ERC2: variants seen among roughly 807,000 people sequenced by gnomAD.
ERC2 encodes the protein ELKS/RAB6-interacting/CAST family member 2, also known as ERC protein 2.
Under a neutral mutation model 114.8 loss-of-function variants are expected in ERC2, and 42 were observed. The observed-to-expected ratio is 0.37, with a 90% confidence interval of 0.29 to 0.47. ERC2 has a LOEUF of 0.47. ERC2 is among the 20% of genes least tolerant of loss of function. The pLI, the probability that ERC2 is intolerant of heterozygous loss-of-function variation, is 0.99. For missense variants in ERC2, 939 were observed against 1,150.7 expected, an observed-to-expected ratio of 0.82 and a Z score of 2.66; for synonymous variants, 454 against 425.5, an observed-to-expected ratio of 1.07 and a Z score of -0.82.
chr3:55,846,234 G>A (rs894225096), intron 14 of ERC2, among the ~76,000 whole-genome samples: 30 of 152,162 alleles, frequency 2.0e-4, no homozygotes, highest in African/African-American at 7.2e-4. Context: ...TCTTATAAAT[G>A]AGAACATATG....
chr3:55,958,224 T>C (rs1361501359), intron 12 of ERC2, among the ~76,000 whole-genome samples: 1 of 152,112 alleles, frequency 6.6e-6, no homozygotes, highest in East Asian at 1.9e-4. Context: ...GGCAGGTAGC[T>C]CCTATCCACA....
chr3:56,103,773 A>ATCTG (rs1309194467), intron 6 of ERC2, among the ~76,000 whole-genome samples: 2 of 152,018 alleles, frequency 1.3e-5, no homozygotes, highest in African/African-American at 4.8e-5. Flanking sequence ...CTATCTATCT[A>ATCTG]TCTATCTATC....
chr3:56,012,929 G>T (rs1215376726), intron 8 of ERC2, among the ~76,000 whole-genome samples: 2 of 152,156 alleles, frequency 1.3e-5, no homozygotes, highest in East Asian at 3.9e-4. Flanking sequence ...GCACTCATCT[G>T]GCTCTGCACA....
chr3:56,126,327 T>C (rs73091267), intron 6 of ERC2, among the ~76,000 whole-genome samples: 4,938 of 152,316 alleles, frequency 0.032, 179 homozygotes, highest in African/African-American at 0.084. Flanking sequence ...TGATACATCA[T>C]GTTAACAGAA....
chr3:55,714,756 G>A (rs1408987618), intron 15 of ERC2, among the ~76,000 whole-genome samples: 1 of 141,512 alleles, frequency 7.1e-6, no homozygotes, highest in Non-Finnish European at 1.5e-5. Flanking sequence ...TATAATTATT[G>A]CTGGGTATTT....
intron 17 of ERC2, among the ~76,000 whole-genome samples, chr3:55,571,739 T>C (rs1049141525): frequency 6.6e-5 from 10 of 152,168 alleles, no homozygotes; most frequent in African/African-American, 2.2e-4. Context: ...CCTCTTGGAA[T>C]TGTGAGCAAC....
At chr3:55,682,233 C>A (rs1463768532) in intron 17 of ERC2, among the ~76,000 whole-genome samples, 2 of 152,166 alleles carry the variant, frequency 1.3e-5, no homozygotes, top group Non-Finnish European at 2.9e-5. Context: ...CCATAGACAT[C>A]CAGAACTTCT....
rs80043755 is a variant in ERC2, at chr3:56,085,939, T to C, written c.1474-4955A>G. On this transcript the variant is annotated intron_variant, in intron 6 of 17. Coordinates refer to ENST00000288221, the MANE Select transcript of ERC2 (RefSeq NM_015576.3). ...TATCTGGACTAAAGGAAATGCCTAA[T>C]ATCCAAACTGTGATATAAATAAATT... is the stretch of plus-strand genomic sequence containing the variant. 6.1e-3 allele frequency among the ~76,000 whole-genome samples: 924 copies of C among 152,264 alleles called. 5 individuals carry two copies. Among genetic ancestry groups the C allele is most frequent in the Non-Finnish European group, 0.011 (717 of 68,018 alleles).
At chr3:55,573,676 T>A (rs2056837114) in intron 17 of ERC2, among the ~76,000 whole-genome samples, 1 of 152,028 alleles carries the variant, frequency 6.6e-6, no homozygotes. Context: ...CTTGCCAGAG[T>A]CAGCTGCCTG....
intron 14 of ERC2, among the ~76,000 whole-genome samples, chr3:55,792,896 T>C (rs1370345480): frequency 6.6e-6 from 1 of 152,042 alleles, no homozygotes; most frequent in Non-Finnish European, 1.5e-5. Context: ...AACTAAGAAA[T>C]GAGAGAGGGA....
chr3:55,842,204 A>G (rs2061164386), intron 14 of ERC2, among the ~76,000 whole-genome samples: 1 of 152,208 alleles, frequency 6.6e-6, no homozygotes, highest in African/African-American at 2.4e-5. Context: ...TGGAAGTCAA[A>G]CTCAGGTTGG....
Position 55,510,736 on chromosome 3 carries a change from C to A in ERC2, c.*580G>T, listed in dbSNP as rs975157984. On this transcript the variant is annotated 3_prime_UTR_variant, in exon 18 of 18. Transcript: ENST00000288221. ...TCGCAATTTTTGGTGTTTTTTGTTT[C>A]TTCGTCAAACACTCCATGCATCATG... 6.6e-6 allele frequency: 1 copy of A among 152,328 alleles called. No individual in the cohort carries two copies. Among genetic ancestry groups the A allele is most frequent in the African/African-American group, 2.4e-5 (1 of 41,412 alleles). The allele number at this position is 152,328 out of a possible 1,614,324, so 9.4% of individuals were successfully genotyped here.
intron 3 of ERC2, among the ~76,000 whole-genome samples, chr3:56,286,414 CA>C (rs778645110): frequency 0.038 from 1,165 of 30,354 alleles, 2 homozygotes; most frequent in Middle Eastern, 0.094. Flanking sequence ...AACTCCATCT[CA>C]AAAAAAAAAA....
intron 2 of ERC2, among the ~76,000 whole-genome samples, chr3:56,344,910 T>C (rs2058246406): frequency 6.6e-6 from 1 of 152,324 alleles, no homozygotes; most frequent in East Asian, 1.9e-4. Context: ...CCTCGTTGGA[T>C]GTGTCAATGA....
At chr3:56,378,873 C>T (rs553488203) in intron 2 of ERC2, among the ~76,000 whole-genome samples, 2 of 152,280 alleles carry the variant, frequency 1.3e-5, no homozygotes, top group African/African-American at 4.8e-5. Flanking sequence ...AGAACCCTGG[C>T]CTCTTAAGTT....
At chr3:56,162,850 T>C (rs1381933446) in intron 4 of ERC2, among the ~76,000 whole-genome samples, 1 of 152,144 alleles carries the variant, frequency 6.6e-6, no homozygotes, top group East Asian at 1.9e-4. Flanking sequence ...GTATGCATTT[T>C]TGGGTCTCAA....
intron 17 of ERC2, among the ~76,000 whole-genome samples, chr3:55,598,299 C>CA (rs769604046): frequency 8.5e-5 from 13 of 152,210 alleles, no homozygotes; most frequent in Non-Finnish European, 2.9e-5. Flanking sequence ...TTCATTGACT[C>CA]AAAATCAGCT....
chr3:56,135,911 A>G (rs1223279073), intron 6 of ERC2, among the ~76,000 whole-genome samples: 1 of 152,240 alleles, frequency 6.6e-6, no homozygotes, highest in Non-Finnish European at 1.5e-5. Flanking sequence ...AAGTTGGTAC[A>G]AAGGAAACAT....
chr3:55,934,152 A>C (rs2149408718), intron 13 of ERC2, among the ~76,000 whole-genome samples: 1 of 152,364 alleles, frequency 6.6e-6, no homozygotes, highest in African/African-American at 2.4e-5. Flanking sequence ...CTAGCTGCCA[A>C]ACATTAAGAA....
Sources: allele counts gnomAD v4.1 joint callset (sites outside exome capture counted in the v4.1 genomes callset), GRCh38; gene constraint gnomAD v4.1.1; transcripts MANE v1.5; gene names NCBI Gene and HGNC (gene_info 2026-07-23, HGNC 2026-07-21).